ST6GAL1: variants seen among roughly 807,000 people sequenced by gnomAD.
The protein encoded by ST6GAL1 is beta-galactoside alpha-2,6-sialyltransferase 1.
ST6GAL1 carries 20 observed loss-of-function variants against 38.0 expected under a neutral mutation model. The ratio of observed to expected loss-of-function variants is 0.53; its 90% CI spans 0.37 to 0.77. ST6GAL1 has a LOEUF of 0.77. Among genes scored for constraint, ST6GAL1 ranks in the 30% least tolerant of loss-of-function variants. The pLI, the probability that ST6GAL1 is intolerant of heterozygous loss-of-function variation, is 0.00. For synonymous variants in ST6GAL1, 196 were observed against 188.2 expected (o/e 1.04, Z -0.34); for missense variants, 432 against 496.4 (o/e 0.87, Z 1.23).
intron 2 of ST6GAL1, among the ~76,000 whole-genome samples, chr3:186,995,527 T>G (rs138063578): frequency 1.8e-5 from 2 of 113,332 alleles, no homozygotes; most frequent in Admixed American, 9.6e-5. Context: ...AATAATAAAA[T>G]AAAAAAAAAA....
chr3:186,944,262 G>A (rs570706756), intron 1 of ST6GAL1, among the ~76,000 whole-genome samples: 26 of 152,332 alleles, frequency 1.7e-4, no homozygotes, highest in African/African-American at 6.0e-4. Flanking sequence ...ACACTTTGGG[G>A]ACTGGAACAG....
chr3:187,043,117 G>T lies in ST6GAL1; in HGVS notation c.414G>T (p.Glu138Asp). The T allele has an allele frequency of 6.2e-7, 1 of 1,614,248 alleles. No homozygotes were observed. The highest frequency in any genetic ancestry group is 8.5e-7 in the Non-Finnish European group (1 of 1,180,042). ...GPGPGIKFSA[E>D]ALRCHLRDHV... ...GACCAGGCATCAAGTTCAGTGCAGAGGCCCTGCGCTGCCACCTCCGGGACC... is the reference window on the plus strand; with the variant it reads ...GACCAGGCATCAAGTTCAGTGCAGATGCCCTGCGCTGCCACCTCCGGGACC... Residue 138 changes from glutamate (E) to aspartate (D), a missense_variant, in exon 4 of 8, where the codon GAG becomes GAT. Glu to Asp is a conservative substitution (Grantham distance 45). Coordinates refer to ENST00000169298, the MANE Select transcript of ST6GAL1 (RefSeq NM_173216.2).
At chr3:187,070,702 T>C (rs55729997) in intron 5 of ST6GAL1, among the ~76,000 whole-genome samples, 85,010 of 151,850 alleles carry the variant, frequency 0.56, 26,526 homozygotes, top group African/African-American at 0.86. Context: ...GGATTACAGG[T>C]GTGAGCCACC....
At chr3:186,980,643 C>G (rs564982016) in intron 2 of ST6GAL1, among the ~76,000 whole-genome samples, 20 of 147,392 alleles carry the variant, frequency 1.4e-4, no homozygotes, top group Non-Finnish European at 2.8e-4. Flanking sequence ...GGCAAGGTGG[C>G]AAGTGCCTGT....
chr3:186,967,708 C>T (rs1022354766), intron 2 of ST6GAL1, among the ~76,000 whole-genome samples: 1 of 152,168 alleles, frequency 6.6e-6, no homozygotes, highest in African/African-American at 2.4e-5. Context: ...GAATTACAGC[C>T]GAAAGAGCTC....
intron 3 of ST6GAL1, among the ~76,000 whole-genome samples, chr3:187,041,240 G>A (rs1579350009): frequency 6.6e-6 from 1 of 152,254 alleles, no homozygotes; most frequent in Non-Finnish European, 1.5e-5. Flanking sequence ...CCTGCCCAAG[G>A]TCACCAAGAA....
chr3:186,941,268 G>A (rs1169947243), intron 1 of ST6GAL1, among the ~76,000 whole-genome samples: 3 of 152,204 alleles, frequency 2.0e-5, no homozygotes, highest in African/African-American at 7.2e-5. Flanking sequence ...AGAGAGAACT[G>A]AAGAAAAGGA....
chr3:187,069,403 T>G (rs1464460894), intron 5 of ST6GAL1, among the ~76,000 whole-genome samples: 1 of 152,164 alleles, frequency 6.6e-6, no homozygotes, highest in East Asian at 1.9e-4. Context: ...AACTTCAAAT[T>G]TCCACCCCAC....
At chr3:186,933,005 A>G (rs1476270701) in intron 1 of ST6GAL1, among the ~76,000 whole-genome samples, 1 of 152,194 alleles carries the variant, frequency 6.6e-6, no homozygotes, top group Admixed American at 6.6e-5. Context: ...AGGGTCAGGT[A>G]CCCGGTGAAA....
intron 2 of ST6GAL1, among the ~76,000 whole-genome samples, chr3:187,015,703 G>A (rs970595565): frequency 3.3e-5 from 5 of 152,048 alleles, no homozygotes; most frequent in East Asian, 1.9e-4. Context: ...GATGGGTGTC[G>A]TGGTGTGTGC....
chr3:187,002,540 G>C (rs1716654443), intron 2 of ST6GAL1, among the ~76,000 whole-genome samples: 1 of 152,192 alleles, frequency 6.6e-6, no homozygotes, highest in African/African-American at 2.4e-5. Flanking sequence ...CACTCTGTGA[G>C]GCATTGGCTG....
chr3:187,030,438 T>C (rs1717705057), intron 2 of ST6GAL1, among the ~76,000 whole-genome samples: 2 of 152,200 alleles, frequency 1.3e-5, no homozygotes, highest in Non-Finnish European at 2.9e-5. Flanking sequence ...TTATTCATTT[T>C]TTATTTTATT....
intron 1 of ST6GAL1, among the ~76,000 whole-genome samples, chr3:186,935,167 C>T (rs1394356003): frequency 1.3e-5 from 2 of 152,044 alleles, no homozygotes. Flanking sequence ...CACCCTCCAC[C>T]CTTCAAGAAG....
intron 1 of ST6GAL1, among the ~76,000 whole-genome samples, chr3:186,933,593 C>T (rs1713838531): frequency 6.6e-6 from 1 of 152,222 alleles, no homozygotes; most frequent in Non-Finnish European, 1.5e-5. Context: ...AGTTTTCTCA[C>T]CAGGACGCTG....
chr3:187,048,322 C>T (rs1201589854), intron 4 of ST6GAL1, among the ~76,000 whole-genome samples: 1 of 152,076 alleles, frequency 6.6e-6, no homozygotes, highest in Non-Finnish European at 1.5e-5. Flanking sequence ...TTCCTGCCAA[C>T]CTCTGTAACT....
At chr3:187,060,557 T>C (rs1194272575) in intron 5 of ST6GAL1, among the ~76,000 whole-genome samples, 1 of 152,168 alleles carries the variant, frequency 6.6e-6, no homozygotes, top group Non-Finnish European at 1.5e-5. Flanking sequence ...TGAAGACACA[T>C]AGTTAGGAAG....
At chr3:186,959,307 T>C (rs1345495356) in intron 1 of ST6GAL1, among the ~76,000 whole-genome samples, 1 of 152,144 alleles carries the variant, frequency 6.6e-6, no homozygotes, top group Non-Finnish European at 1.5e-5. Context: ...AAAGGGAAGA[T>C]AAAGAAAAGC....
chr3:186,945,481 A>G (rs1714325994), intron 1 of ST6GAL1, among the ~76,000 whole-genome samples: 1 of 152,174 alleles, frequency 6.6e-6, no homozygotes, highest in Admixed American at 6.5e-5. Flanking sequence ...CTTGAGGAAG[A>G]AAAAGATTAA....
At chr3:186,996,407 TGGCCTTGGAA>T (rs1363270025) in intron 2 of ST6GAL1, 3 of 152,226 alleles carry the variant, frequency 2.0e-5, no homozygotes, top group African/African-American at 7.2e-5. Context: ...TCATGCTTTG[TGGCCTTGGAA>T]GGGGGTAGAT....
Sources: gnomAD v4.1 joint callset for allele counts (sites outside exome capture counted in the v4.1 genomes callset) on GRCh38, gnomAD v4.1.1 for gene constraint, MANE v1.5 for transcripts, NCBI Gene and HGNC (gene_info 2026-07-23, HGNC 2026-07-21) for gene names.